The following ZMIZ1 variants were observed in gnomAD, a reference collection of about 807,000 sequenced individuals.
ZMIZ1 encodes zinc finger MIZ domain-containing protein 1.
A neutral mutation model predicts 113.9 loss-of-function variants in ZMIZ1; 17 were observed. That is an observed-to-expected ratio of 0.15 (90% CI 0.10 to 0.22). The LOEUF (loss-of-function observed/expected upper bound fraction) is 0.22, where lower values mean the gene tolerates loss of function less well. Among genes scored for constraint, ZMIZ1 ranks in the 10% least tolerant of loss-of-function variants. The probability of loss-of-function intolerance (pLI) is 1.00; values close to 1 mark genes in which losing one functional copy is unlikely to be tolerated. For missense variants in ZMIZ1, 1,059 were observed against 1,477.8 expected, an observed-to-expected ratio of 0.72 and a Z score of 4.65; for synonymous variants, 607 against 603.1, an observed-to-expected ratio of 1.01 and a Z score of -0.09.
At chr10:79,217,314 A>G (rs1848775264) in intron 7 of ZMIZ1, among the ~76,000 whole-genome samples, 1 of 152,098 alleles carries the variant, frequency 6.6e-6, no homozygotes, top group African/African-American at 2.4e-5. Context: ...AGTCCCAGCT[A>G]CTCAGGAGGT....
intron 4 of ZMIZ1, among the ~76,000 whole-genome samples, chr10:79,200,894 T>G (rs74762447): frequency 7.8e-4 from 119 of 152,210 alleles, no homozygotes; most frequent in African/African-American, 2.6e-3. Flanking sequence ...TGCATGCACA[T>G]GTATGAACAC....
In ZMIZ1 at chr10:79,289,845, G is replaced by A. The variant is rs2132023986; in HGVS notation, c.496G>A (p.Val166Met). 1.9e-6 allele frequency: 3 copies of A among 1,614,068 alleles called. No homozygotes were observed. The highest frequency in any genetic ancestry group is 2.5e-6 in the Non-Finnish European group (3 of 1,179,932). Reference protein sequence around the residue: ...NTNQPPGSLSVVTTVWGVTNT... With the variant: ...NTNQPPGSLSMVTTVWGVTNT... ...CAACCAGCCTCCCGGCTCCCTTTCCGTGGTCACCACGGTTTGGGGAGTAAC... is the reference window on the plus strand; with the variant it reads ...CAACCAGCCTCCCGGCTCCCTTTCCATGGTCACCACGGTTTGGGGAGTAAC... Residue 166 changes from valine to methionine, a missense_variant, in exon 9 of 25, where the codon GTG becomes ATG. Val to Met is a conservative substitution (Grantham distance 21). Around this residue, in one of 6 missense-constraint regions of ZMIZ1, gnomAD observed 272 missense variants for 350.4 expected, o/e 0.78. Coordinates refer to ENST00000334512, the MANE Select transcript of ZMIZ1 (RefSeq NM_020338.4).
At chr10:79,298,620 GC>G (rs1564596615) in intron 15 of ZMIZ1, 40 bp downstream of exon 15, 3 of 1,553,312 alleles carry the variant, frequency 1.9e-6, no homozygotes, top group Admixed American at 2.1e-5. Flanking sequence ...CTCCACCTGG[GC>G]CCCCCAGTGG....
intron 7 of ZMIZ1, among the ~76,000 whole-genome samples, chr10:79,248,298 A>G (rs1850331587): frequency 6.6e-6 from 1 of 152,164 alleles, no homozygotes; most frequent in South Asian, 2.1e-4. Context: ...TGGGAGGACT[A>G]GTAGCTGCGA....
chr10:79,097,208 C>A (rs1478982178), intron 1 of ZMIZ1, among the ~76,000 whole-genome samples: 1 of 152,200 alleles, frequency 6.6e-6, no homozygotes, highest in Non-Finnish European at 1.5e-5. Flanking sequence ...CCTGCCTCAG[C>A]CAAGAGGCAC....
At chr10:79,245,835 C>G (rs1228932949) in intron 7 of ZMIZ1, among the ~76,000 whole-genome samples, 1 of 151,910 alleles carries the variant, frequency 6.6e-6, no homozygotes, top group Non-Finnish European at 1.5e-5. Context: ...ATCCTTGGCA[C>G]TAACCACATT....
At chr10:79,161,078 C>T (rs984317090) in intron 3 of ZMIZ1, among the ~76,000 whole-genome samples, 5 of 152,160 alleles carry the variant, frequency 3.3e-5, no homozygotes, top group Non-Finnish European at 7.3e-5. Flanking sequence ...GTTGGTGGGC[C>T]GTTGAGGAGA....
chr10:79,267,154 G>A (rs545297907), intron 7 of ZMIZ1, among the ~76,000 whole-genome samples: 13 of 152,226 alleles, frequency 8.5e-5, no homozygotes, highest in Non-Finnish European at 1.9e-4. Context: ...AGTGCCTGTC[G>A]GGGTGGCCCT....
intron 23 of ZMIZ1, 123 bp downstream of exon 23, chr10:79,307,694 A>C: frequency 8.7e-7 from 1 of 1,150,878 alleles, no homozygotes; most frequent in Non-Finnish European, 1.2e-6. Flanking sequence ...TGGGCTCAGA[A>C]TGGAATAGGA....
chr10:79,251,501 G>A (rs1455672111), intron 7 of ZMIZ1, among the ~76,000 whole-genome samples: 2 of 152,036 alleles, frequency 1.3e-5, no homozygotes, highest in Non-Finnish European at 2.9e-5. Context: ...TTGCAGCCCA[G>A]CCTATCCAGA....
At chr10:79,203,436 CCA>C (rs1436126473) in intron 5 of ZMIZ1, among the ~76,000 whole-genome samples, 1 of 152,146 alleles carries the variant, frequency 6.6e-6, no homozygotes, top group Non-Finnish European at 1.5e-5. Context: ...CCCTCCTCCC[CCA>C]CACTCCCTCC....
chr10:79,285,674 G>A, intron 8 of ZMIZ1: 2 of 442,886 alleles, frequency 4.5e-6, no homozygotes, highest in Admixed American at 4.8e-5. Context: ...TTTAGCAAAG[G>A]TTTCCTGAGC....
At chr10:79,293,353 C>G (rs768250157) in intron 11 of ZMIZ1, 28 bp from the exon 12 acceptor site, 2 of 1,495,010 alleles carry the variant, frequency 1.3e-6, no homozygotes, top group Non-Finnish European at 1.8e-6. Flanking sequence ...TTTTTCTTCT[C>G]CCGTTGAAGG....
chr10:79,308,806 C>T (rs974492280), intron 23 of ZMIZ1, among the ~76,000 whole-genome samples: 25 of 152,270 alleles, frequency 1.6e-4, no homozygotes, highest in African/African-American at 5.8e-4. Flanking sequence ...CCGACACACA[C>T]ACATCCTGCG....
chr10:79,123,029 C>G (rs1392675588), intron 2 of ZMIZ1, among the ~76,000 whole-genome samples: 2 of 152,214 alleles, frequency 1.3e-5, no homozygotes, highest in East Asian at 1.9e-4. Flanking sequence ...AGTGATGTGG[C>G]CCAGTTCACG....
chr10:79,172,545 A>G (rs545182757), intron 4 of ZMIZ1, among the ~76,000 whole-genome samples: 1 of 152,322 alleles, frequency 6.6e-6, no homozygotes, highest in South Asian at 2.1e-4. Context: ...GGATGAGGAA[A>G]CTGAGACAGA....
In ZMIZ1 at chr10:79,272,526, C is replaced by T. The variant is rs72818247; in HGVS notation, c.281-4655C>T. 4.0e-3 allele frequency among the ~76,000 whole-genome samples: 603 copies of T among 152,284 alleles called. 1 individual carries two copies. The highest frequency in any genetic ancestry group is 7.2e-3 in the Non-Finnish European group (487 of 68,034). Reference sequence around the variant, plus strand: ...TCCTCCCAGCCTGCGGAGCTTTGCACGTCATCTTAAGTGGTTTGGACTCAG... The same window carrying T: ...TCCTCCCAGCCTGCGGAGCTTTGCATGTCATCTTAAGTGGTTTGGACTCAG... On this transcript the variant is annotated intron_variant, in intron 7 of 24. Coordinates refer to ENST00000334512, the MANE Select transcript of ZMIZ1 (RefSeq NM_020338.4).
At chr10:79,309,377 T>A (rs1261648987) in intron 23 of ZMIZ1, among the ~76,000 whole-genome samples, 1 of 152,144 alleles carries the variant, frequency 6.6e-6, no homozygotes, top group Non-Finnish European at 1.5e-5. Context: ...CCCTCCCTGC[T>A]CTCCCAGGGT....
At chr10:79,083,311 G>T (rs1267264315) in intron 1 of ZMIZ1, among the ~76,000 whole-genome samples, 2 of 152,198 alleles carry the variant, frequency 1.3e-5, no homozygotes, top group African/African-American at 2.4e-5. Flanking sequence ...TTTGGGAGAA[G>T]AGCTCTCCAG....
Sources: allele counts gnomAD v4.1 joint callset (sites outside exome capture counted in the v4.1 genomes callset), GRCh38; gene constraint gnomAD v4.1.1; regional missense constraint gnomAD v4.1.1; transcripts MANE v1.5; gene names NCBI Gene and HGNC (gene_info 2026-07-23, HGNC 2026-07-21).